TANC2: variants seen among roughly 807,000 people sequenced by gnomAD.
TANC2 encodes protein TANC2.
In TANC2, 26 loss-of-function variants were observed where a neutral mutation model predicts 210.5. That is an observed-to-expected ratio of 0.12 (90% confidence interval 0.09 to 0.17). The LOEUF (loss-of-function observed/expected upper bound fraction) is 0.17, where lower values mean the gene tolerates loss of function less well. Ranked by LOEUF, TANC2 falls within the 10% of genes least tolerant of loss-of-function variation. The pLI, the probability that TANC2 is intolerant of heterozygous loss-of-function variation, is 1.00. For missense variants in TANC2, 2,129 were observed against 2,608.9 expected (o/e 0.82, Z 4.01); for synonymous variants, 931 against 967.1 (o/e 0.96, Z 0.69).
At chr17:63,063,559 T>TA (rs1321330832) in intron 2 of TANC2, among the ~76,000 whole-genome samples, 2 of 108,912 alleles carry the variant, frequency 1.8e-5, no homozygotes, top group African/African-American at 1.0e-4. Context: ...TGTGTGTGTG[T>TA]GTGTGTGTGT....
intron 14 of TANC2, among the ~76,000 whole-genome samples, chr17:63,372,110 T>C (rs150642384): frequency 2.6e-5 from 4 of 152,334 alleles, no homozygotes; most frequent in East Asian, 3.9e-4. Flanking sequence ...TCCTAAAATA[T>C]CTAAAATCAA....
exon 16 of TANC2, chr17:63,388,731 C>A: frequency 6.4e-7 from 1 of 1,570,770 alleles, no homozygotes. Flanking sequence ...GGCGTCTTTA[C>A]GAAATCTCTA....
At chr17:63,399,289 ACT>A (rs1285047420) in intron 19 of TANC2, 1 of 154,234 alleles carries the variant, frequency 6.5e-6, no homozygotes, top group Non-Finnish European at 1.4e-5. Context: ...CATCAAAATA[ACT>A]CTTTCCCCTT....
Position 63,222,525 on chromosome 17 carries a change from A to G in TANC2, c.770-15289A>G, listed in dbSNP as rs1210207252. On this transcript the variant is annotated intron_variant, in intron 7 of 27. Transcript: ENST00000689528. ...TTCTACAAAAGGCAAAACTATAATG[A>G]TAGCAAATCAGCAGTTGCCAAGGTG... 3.3e-5 allele frequency among the ~76,000 whole-genome samples: 5 copies of G among 152,344 alleles called. No homozygotes were observed. In the East Asian group the frequency reaches 9.6e-4, roughly 29 times the overall value.
rs2048839296 is a variant in TANC2, at chr17:63,415,736, A to G, written c.4167+62A>G. ...TGGTAGCTGATAGCCTGTGTCACTC[A>G]CTAGCTTTTACCAGGCCCCTGAAAT... On this transcript the variant is annotated intron_variant, in intron 26 of 27. Coordinates refer to ENST00000689528, the Ensembl canonical transcript of TANC2. 6 of 1,565,432 alleles carry G rather than the reference A, an allele frequency of 3.8e-6. No individual in the cohort carries two copies. In the South Asian group the frequency reaches 7.1e-5, roughly 18 times the overall value.
rs2041247472 is a variant in TANC2 at position 63,193,402 on chromosome 17, G to A, written c.434-589G>A. Among the ~76,000 whole-genome samples the A allele has an allele frequency of 2.0e-5, 3 of 152,120 alleles. No homozygotes were observed. The South Asian group carries it at 6.2e-4, about 31-fold the overall frequency. On this transcript the variant is annotated intron_variant, in intron 5 of 27. Transcript: ENST00000689528. ...CCCAGCTTGTGACTTTATTAGAGAA[G>A]TTGATATAAATGTTAAATGGAATAA...
chr17:63,126,986 T>C (rs1272170495), intron 4 of TANC2, among the ~76,000 whole-genome samples: 1 of 152,212 alleles, frequency 6.6e-6, no homozygotes, highest in Non-Finnish European at 1.5e-5. Flanking sequence ...TGCTGATATA[T>C]AAGGTACTGC....
At chr17:63,210,480 A>G (rs1340709221) in intron 7 of TANC2, among the ~76,000 whole-genome samples, 1 of 152,166 alleles carries the variant, frequency 6.6e-6, no homozygotes. Context: ...ATAGTTACTT[A>G]TAGTTATATA....
intron 3 of TANC2, among the ~76,000 whole-genome samples, chr17:63,090,159 A>G (rs1167548348): frequency 6.6e-6 from 1 of 151,830 alleles, no homozygotes; most frequent in Non-Finnish European, 1.5e-5. Context: ...AATATTCTGT[A>G]AATGAAGCCA....
intron 14 of TANC2, among the ~76,000 whole-genome samples, chr17:63,378,632 A>G (rs2047503094): frequency 6.6e-6 from 1 of 152,238 alleles, no homozygotes; most frequent in Non-Finnish European, 1.5e-5. Flanking sequence ...AGAGGCAGAT[A>G]AAAGAGCTTT....
intron 10 of TANC2, among the ~76,000 whole-genome samples, chr17:63,315,399 A>G (rs1196103234): frequency 6.6e-6 from 1 of 152,200 alleles, no homozygotes; most frequent in East Asian, 1.9e-4. Flanking sequence ...TAGGTTTTAC[A>G]GCCAATAAAT....
rs116975719 is a variant in TANC2 at position 63,168,141 on chromosome 17, A to G, written c.433+16761A>G. 9.3e-4 allele frequency among the ~76,000 whole-genome samples: 142 copies of G among 152,192 alleles called. No homozygotes were observed. In the East Asian group the frequency reaches 0.013, roughly 14 times the overall value. On this transcript the variant is annotated intron_variant, in intron 5 of 27. Coordinates refer to ENST00000689528, the Ensembl canonical transcript of TANC2. ...CCAACACTTTGGGAGGACGAAGTAG[A>G]AGGATTGTTTGTGGCCAGGAGTTTG...
At chr17:63,220,992 C>G (rs2042172365) in intron 7 of TANC2, among the ~76,000 whole-genome samples, 1 of 151,680 alleles carries the variant, frequency 6.6e-6, no homozygotes, top group South Asian at 2.1e-4. Context: ...AATTATAAAA[C>G]TGCAAGAAGA....
At chr17:63,091,529 G>A (rs1015304585) in intron 3 of TANC2, among the ~76,000 whole-genome samples, 5 of 152,066 alleles carry the variant, frequency 3.3e-5, no homozygotes, top group African/African-American at 1.2e-4. Context: ...GTAGATGTGT[G>A]GTATTATTTC....
rs543487062 is a variant in TANC2, at chr17:63,195,045, C to T, written c.582+906C>T. On this transcript the variant is annotated intron_variant, in intron 6 of 27. Coordinates refer to ENST00000689528, the Ensembl canonical transcript of TANC2. ...AGTGAAGAGTCTATATCACATACTA[C>T]TTTTGTTACAATGAGATATACAAGG... Among the ~76,000 whole-genome samples, 14 of 152,164 alleles carry T rather than the reference C, an allele frequency of 9.2e-5. No homozygotes were observed. The East Asian group carries it at 2.1e-3, about 23-fold the overall frequency.
At chr17:63,312,052 G>T (rs181105794) in intron 9 of TANC2, among the ~76,000 whole-genome samples, 23 of 152,252 alleles carry the variant, frequency 1.5e-4, no homozygotes, top group Non-Finnish European at 2.5e-4. Context: ...AAAAACCACT[G>T]AATTGTATAT....
intron 2 of TANC2, among the ~76,000 whole-genome samples, chr17:63,041,350 A>G (rs2035179114): frequency 6.6e-6 from 1 of 152,172 alleles, no homozygotes; most frequent in Admixed American, 6.6e-5. Flanking sequence ...CTAAAATGTT[A>G]TATAATCCTG....
intron 4 of TANC2, among the ~76,000 whole-genome samples, chr17:63,146,836 A>G (rs2039477342): frequency 1.3e-5 from 2 of 152,160 alleles, no homozygotes; most frequent in Non-Finnish European, 2.9e-5. Flanking sequence ...TGTGTGATGA[A>G]TCTGATTGCT....
intron 5 of TANC2, among the ~76,000 whole-genome samples, chr17:63,179,583 T>C (rs1419989347): frequency 6.6e-6 from 1 of 152,182 alleles, no homozygotes; most frequent in Admixed American, 6.5e-5. Flanking sequence ...CTTCAAACAC[T>C]GTTTTAAAAT....
Sources: gnomAD v4.1 joint callset for allele counts (sites outside exome capture counted in the v4.1 genomes callset) on GRCh38, gnomAD v4.1.1 for gene constraint, MANE v1.5 for transcripts, NCBI Gene and HGNC (gene_info 2026-07-23, HGNC 2026-07-21) for gene names.